ZNF705G: variants seen among roughly 807,000 people sequenced by gnomAD.
ZNF705G encodes zinc finger protein 705G.
In ZNF705G, 23 loss-of-function variants were observed where a neutral mutation model predicts 19.6. That is an observed-to-expected ratio of 1.17 (90% CI 0.84 to 1.66). The LOEUF (loss-of-function observed/expected upper bound fraction) is 1.66, where lower values mean the gene tolerates loss of function less well. Ranked by LOEUF, ZNF705G falls within the 40% of genes most tolerant of loss-of-function variation. The pLI is 0.00. For synonymous variants in ZNF705G, 146 were observed against 117.7 expected (o/e 1.24, Z -1.56); for missense variants, 457 against 354.4 (o/e 1.29, Z -2.32).
Position 7,357,968 on chromosome 8 carries a change from C to T in ZNF705G, c.*8G>A, listed in dbSNP as rs766121971. On this transcript the variant is annotated 3_prime_UTR_variant, in exon 7 of 7. Coordinates refer to ENST00000400156, the MANE Select transcript of ZNF705G (RefSeq NM_001164457.3). Reference sequence around the variant, plus strand: ...ATATGGCTTTTCTCCAGTGCGTGTTCTCTCATGTCATCTAAGGTTGGAAGA... The same window carrying T: ...ATATGGCTTTTCTCCAGTGCGTGTTTTCTCATGTCATCTAAGGTTGGAAGA... 6 of 1,609,198 alleles carry T rather than the reference C, an allele frequency of 3.7e-6. No homozygotes were observed. In the East Asian group the frequency reaches 6.7e-5, roughly 18 times the overall value.
chr8:7,364,727 T>C (rs1806780274), intron 2 of ZNF705G, among the ~76,000 whole-genome samples: 1 of 149,474 alleles, frequency 6.7e-6, no homozygotes, highest in Admixed American at 6.6e-5. Flanking sequence ...CACTTTTCAA[T>C]ATCAACTTTT....
chr8:7,375,137 G>A (rs1276233953), intron 2 of ZNF705G, among the ~76,000 whole-genome samples: 2 of 93,836 alleles, frequency 2.1e-5, no homozygotes, highest in Non-Finnish European at 2.1e-5. Context: ...CTGTCACGCA[G>A]GTAGGGTGTG....
chr8:7,360,391 C>T, intron 4 of ZNF705G, 59 bp from the exon 5 acceptor site: 1 of 1,580,834 alleles, frequency 6.3e-7, no homozygotes, highest in Non-Finnish European at 8.5e-7. Flanking sequence ...TGCATTATCA[C>T]CAAGTGTAAT....
At chr8:7,364,958 C>T (rs571471934) in intron 2 of ZNF705G, among the ~76,000 whole-genome samples, 1 of 149,668 alleles carries the variant, frequency 6.7e-6, no homozygotes, top group Non-Finnish European at 1.5e-5. Flanking sequence ...ACCAAGTAAA[C>T]TCTTCCTCGA....
intron 2 of ZNF705G, among the ~76,000 whole-genome samples, chr8:7,381,008 T>A (rs1490619082): frequency 4.1e-5 from 2 of 48,224 alleles, no homozygotes; most frequent in East Asian, 7.2e-4. Flanking sequence ...AGAGCTAGAC[T>A]CTGTCTCAAA....
At chr8:7,364,717 C>A (rs1806779882) in intron 2 of ZNF705G, among the ~76,000 whole-genome samples, 1 of 149,546 alleles carries the variant, frequency 6.7e-6, no homozygotes, top group Non-Finnish European at 1.5e-5. Context: ...CTTCAACAAG[C>A]ACTTTTCAAT....
At chr8:7,362,849 T>C (rs1471490463) in intron 3 of ZNF705G, 86 bp downstream of exon 3, 1 of 1,583,572 alleles carries the variant, frequency 6.3e-7, no homozygotes, top group African/African-American at 1.4e-5. Context: ...AGAATAAAAA[T>C]GAAACACCCA....
In ZNF705G at chr8:7,365,261, G is replaced by GA. The variant is rs1231890086; in HGVS notation, c.-71-2245dup. Among the ~76,000 whole-genome samples the GA allele has an allele frequency of 5.2e-4, 77 of 149,412 alleles. 8 individuals carry two copies. Among genetic ancestry groups the GA allele is most frequent in the African/African-American group, 1.8e-3 (70 of 38,906 alleles). ...GGTCTAAAATTTTCATTAATTCGTG[G>GA]AAAAAAATGTATTGACAAACTTTTC... On this transcript the variant is annotated intron_variant, in intron 2 of 6. Coordinates refer to ENST00000400156, the MANE Select transcript of ZNF705G (RefSeq NM_001164457.3).
At chr8:7,374,194 C>G (rs536656933) in intron 2 of ZNF705G, among the ~76,000 whole-genome samples, 1 of 106,192 alleles carries the variant, frequency 9.4e-6, no homozygotes, top group Non-Finnish European at 1.9e-5. Context: ...ATTATATTAA[C>G]TCGGTAGCAC....
chr8:7,382,756 A>T lies in ZNF705G; in HGVS notation c.-221-1155T>A, dbSNP rs186060754. ...CCTTATTTCAAGATCTGAAAGTGCT[A>T]CATGAATCATTAAGGAGAGGTTAAA... On this transcript the variant is annotated intron_variant, in intron 1 of 6. Transcript: ENST00000400156. Among the ~76,000 whole-genome samples the T allele has an allele frequency of 4.5e-3, 654 of 146,780 alleles. 11 individuals carry two copies. The highest frequency in any genetic ancestry group is 6.2e-3 in the Non-Finnish European group (419 of 67,934).
Position 7,357,772 on chromosome 8 carries a change from A to G in ZNF705G, c.*204T>C. On this transcript the variant is annotated 3_prime_UTR_variant, in exon 7 of 7. Coordinates refer to ENST00000400156, the MANE Select transcript of ZNF705G (RefSeq NM_001164457.3). ...TCCTTTGGCATGTTTAGATGCTACA[A>G]CTACAGCTGAAGTCTCTTCCACATT... The G allele has an allele frequency of 1.3e-5, 11 of 868,320 alleles. No individual in the cohort carries two copies. The highest frequency in any genetic ancestry group is 1.9e-5 in the Non-Finnish European group (11 of 590,980). 53.8% of individuals were successfully genotyped at this position (868,320 alleles called of 1,614,324 possible).
rs1157891678 is a variant in ZNF705G at position 7,355,938 on chromosome 8, T to C, written c.*2038A>G. ...GAGTAAAATCAATCACTTGTAGAGA[T>C]TTTAAAATATAATGATGTGTCAACT... On this transcript the variant is annotated 3_prime_UTR_variant, in exon 7 of 7. Transcript: ENST00000400156. The C allele has an allele frequency of 2.7e-5, 4 of 149,594 alleles. No homozygotes were observed. Among genetic ancestry groups the C allele is most frequent in the Admixed American group, 2.0e-4 (3 of 15,230 alleles). 9.3% of individuals were successfully genotyped at this position (149,594 alleles called of 1,614,324 possible). A position where few individuals can be genotyped will look rare whatever the true frequency, so the allele number is the denominator to read the frequency against.
At chr8:7,364,203 T>C (rs1430033543) in intron 2 of ZNF705G, among the ~76,000 whole-genome samples, 1 of 149,626 alleles carries the variant, frequency 6.7e-6, no homozygotes, top group African/African-American at 2.6e-5. Flanking sequence ...GATATATAGG[T>C]GCATATGTTT....
chr8:7,366,554 A>C (rs1422053160), intron 2 of ZNF705G, among the ~76,000 whole-genome samples: 1 of 149,710 alleles, frequency 6.7e-6, no homozygotes, highest in Non-Finnish European at 1.5e-5. Flanking sequence ...AACTTGGCGC[A>C]ATTTTTAAAG....
chr8:7,370,150 A>C (rs1807036208), intron 2 of ZNF705G, among the ~76,000 whole-genome samples: 1 of 148,500 alleles, frequency 6.7e-6, no homozygotes, highest in African/African-American at 2.6e-5. Context: ...GGGTGCCTGT[A>C]GTCCCAGCTA....
chr8:7,363,257 G>C (rs374452414), intron 2 of ZNF705G, among the ~76,000 whole-genome samples: 2 of 148,136 alleles, frequency 1.4e-5, no homozygotes, highest in South Asian at 4.2e-4. Context: ...TCAAAAGCAC[G>C]GAGTTTTGTA....
intron 1 of ZNF705G, among the ~76,000 whole-genome samples, chr8:7,385,245 C>G (rs1254045757): frequency 6.7e-6 from 1 of 149,212 alleles, no homozygotes; most frequent in Non-Finnish European, 1.5e-5. Context: ...TGTTCCGCTT[C>G]TTAATACTAT....
At position 7,366,336 on chromosome 8, in the gene ZNF705G, C is replaced by T. The variant is rs541258755; in HGVS notation, c.-71-3319G>A. 3.9e-4 allele frequency among the ~76,000 whole-genome samples: 58 copies of T among 149,528 alleles called. 4 individuals carry two copies. Among genetic ancestry groups the T allele is most frequent in the African/African-American group, 1.4e-3 (53 of 38,992 alleles). The stretch of plus-strand genomic sequence containing the variant: ...TTCTAAGGTTTTATGTGTGAAAGCA[C>T]CATGCCCTGAAACAAAACATTTATT... On this transcript the variant is annotated intron_variant, in intron 2 of 6. Transcript: ENST00000400156.
intron 6 of ZNF705G, 79 bp downstream of exon 6, chr8:7,359,540 T>C: frequency 6.3e-7 from 1 of 1,588,692 alleles, no homozygotes; most frequent in Non-Finnish European, 8.5e-7. Flanking sequence ...TACACTCAGG[T>C]GATTGTGCTT....
Sources: gnomAD v4.1 joint callset for allele counts (sites outside exome capture counted in the v4.1 genomes callset) on GRCh38, gnomAD v4.1.1 for gene constraint, MANE v1.5 for transcripts, NCBI Gene and HGNC (gene_info 2026-07-23, HGNC 2026-07-21) for gene names.